ABCA1: variants seen among roughly 807,000 people sequenced by gnomAD.
ABCA1 encodes the protein phospholipid-transporting ATPase ABCA1.
ABCA1 carries 133 observed loss-of-function variants against 262.5 expected under a neutral mutation model. That is an observed-to-expected ratio of 0.51 (90% CI 0.44 to 0.59). The LOEUF (loss-of-function observed/expected upper bound fraction) is 0.59, where lower values mean the gene tolerates loss of function less well. ABCA1 is among the 20% of genes least tolerant of loss of function. ABCA1 has a pLI of 0.00. For synonymous variants in ABCA1, 1,022 were observed against 1,043.5 expected, an observed-to-expected ratio of 0.98 and a Z score of 0.40; for missense variants, 2,452 against 2,777.5, an observed-to-expected ratio of 0.88 and a Z score of 2.63.
intron 5 of ABCA1, among the ~76,000 whole-genome samples, chr9:104,866,965 GA>G (rs1837149846): frequency 6.6e-6 from 1 of 152,206 alleles, no homozygotes; most frequent in East Asian, 1.9e-4. Flanking sequence ...TAAATTGGAT[GA>G]ATGAATGAAT....
chr9:104,889,106 A>G lies in ABCA1; in HGVS notation c.156T>C (p.His52=). The G allele has an allele frequency of 1.9e-6, 3 of 1,613,592 alleles. No homozygotes were observed. Among genetic ancestry groups the G allele is most frequent in the Non-Finnish European group, 2.5e-6 (3 of 1,179,552 alleles). The change falls in exon 3 of 50, where the codon CAT becomes CAC. Residue 52 remains histidine, a synonymous_variant. Transcript: ENST00000374736. ...GCAACATCCACAGTTACTTACATTC[A>G]TGTTGTTCATAGGGTGGGTAGCTCA... ...VRLSYPPYEQ[H]ECHFPNKAMP...
chr9:104,819,585 C>G lies in ABCA1; in HGVS notation c.3241+1G>C. ...ACTCAGAATAAATACACATCAGGCA[C>G]CTTGTCGGTATTTCAGCAGCAGCTC... On this transcript the variant is annotated splice_donor_variant, in intron 22 of 49. Transcript: ENST00000374736. LOFTEE classifies it high-confidence loss of function. 1 of 1,614,194 alleles carries G rather than the reference C, an allele frequency of 6.2e-7. No individual in the cohort carries two copies. Among genetic ancestry groups the G allele is most frequent in the Non-Finnish European group, 8.5e-7 (1 of 1,180,040 alleles).
chr9:104,922,999 G>A (rs1322123696), intron 1 of ABCA1, among the ~76,000 whole-genome samples: 3 of 152,130 alleles, frequency 2.0e-5, no homozygotes, highest in Admixed American at 2.0e-4. Context: ...ATACAACAAT[G>A]AGCCAGTGCA....
Position 104,858,570 on chromosome 9 carries a change from T to C in ABCA1, c.672A>G (p.Ala224=). The C allele has an allele frequency of 6.2e-7, 1 of 1,614,226 alleles. No homozygotes were observed. The highest frequency in any genetic ancestry group is 8.5e-7 in the Non-Finnish European group (1 of 1,180,046). ...LCGLPREKLA[A]AERVLRSNMD... ...TGTTGGAACGAAGTACTCGCTCTGC[T>C]GCAGCCAGTTTCTCCCTTGGTAGGC... The change falls in exon 7 of 50, where the codon GCA becomes GCG. Residue 224 remains alanine, a synonymous_variant. Transcript: ENST00000374736.
Position 104,806,383 on chromosome 9 carries a change from A to G in ABCA1, c.4322T>C (p.Val1441Ala), listed in dbSNP as rs1830766903. ...GAAGAGGTCCATGATGGTCTGGGGAACTGGGGCAGTGGTCCACTCTTCCTC... is the reference window on the plus strand; with the variant it reads ...GAAGAGGTCCATGATGGTCTGGGGAGCTGGGGCAGTGGTCCACTCTTCCTC... ...AGEEEWTTAP[V>A]PQTIMDLFQN... Residue 1441 changes from valine (V) to alanine (A), a missense_variant, in exon 31 of 50, where the codon GTT becomes GCT. Physicochemically the swap from Val to Ala is moderately conservative, Grantham distance 64. Transcript: ENST00000374736. 6.2e-7 allele frequency: 1 copy of G among 1,614,144 alleles called. No homozygotes were observed. Among genetic ancestry groups the G allele is most frequent in the East Asian group, 2.2e-5 (1 of 44,862 alleles).
intron 9 of ABCA1, among the ~76,000 whole-genome samples, chr9:104,839,267 C>T (rs1025490167): frequency 2.6e-5 from 4 of 152,102 alleles, no homozygotes; most frequent in African/African-American, 9.7e-5. Flanking sequence ...AAGGGCAGAT[C>T]AAATGTCTGA....
At chr9:104,866,350 A>G (rs1837084714) in intron 5 of ABCA1, among the ~76,000 whole-genome samples, 1 of 152,086 alleles carries the variant, frequency 6.6e-6, no homozygotes, top group African/African-American at 2.4e-5. Context: ...GAATATTAAG[A>G]AAGCCAGATG....
chr9:104,831,172 T>C, intron 13 of ABCA1, 71 bp from the exon 14 acceptor site: 2 of 1,140,488 alleles, frequency 1.8e-6, no homozygotes, highest in South Asian at 1.4e-5. Flanking sequence ...AAAAAAAAAT[T>C]GCCCAAAACC....
chr9:104,821,571 T>C (rs776300710), intron 19 of ABCA1, 65 bp from the exon 20 acceptor site: 5 of 1,594,034 alleles, frequency 3.1e-6, no homozygotes, highest in Non-Finnish European at 4.3e-6. Context: ...AGATGCTCCA[T>C]TCAGTCTGCA....
At chr9:104,810,044 A>C (rs1831131964) in intron 29 of ABCA1, among the ~76,000 whole-genome samples, 1 of 151,804 alleles carries the variant, frequency 6.6e-6, no homozygotes, top group Non-Finnish European at 1.5e-5. Flanking sequence ...AACTACGGGC[A>C]ATACAGGGTC....
Position 104,812,562 on chromosome 9 carries a change from AG to A in ABCA1, c.4050+11del, listed in dbSNP as rs1831376384. ...TGAAGCCAGAGTCTCTGGCGAAAAC[AG>A]CACGTCTCACCTGAGCAAAAAATCC... is the stretch of plus-strand genomic sequence containing the variant. On this transcript the variant is annotated intron_variant, in intron 28 of 49. Coordinates refer to ENST00000374736, the MANE Select transcript of ABCA1 (RefSeq NM_005502.4). 6.2e-7 allele frequency: 1 copy of A among 1,614,076 alleles called. No homozygotes were observed. Among genetic ancestry groups the A allele is most frequent in the Non-Finnish European group, 8.5e-7 (1 of 1,180,032 alleles).
In ABCA1 at chr9:104,810,913, T is replaced by C. The variant is rs1564111884; in HGVS notation, c.4062A>G (p.Pro1354=). ...RKGFFAQIVL[P]AVFVCIALVF... ...CAAGGGCAATGCAGACAAACACAGC[T>C]GGCAAGACAATCTTTACCCAGGCAG... Residue 1354 remains proline, a synonymous_variant, in exon 29 of 50, where the codon CCA becomes CCG. Transcript: ENST00000374736. 1.9e-6 allele frequency: 3 copies of C among 1,614,046 alleles called. No homozygotes were observed. Among genetic ancestry groups the C allele is most frequent in the East Asian group, 2.2e-5 (1 of 44,880 alleles).
chr9:104,807,451 C>T (rs1263492115), intron 30 of ABCA1, among the ~76,000 whole-genome samples: 2 of 152,160 alleles, frequency 1.3e-5, no homozygotes, highest in African/African-American at 4.8e-5. Flanking sequence ...AAGTCATTTC[C>T]AGTTCCCTTC....
At chr9:104,808,958 TC>T (rs1831032700) in intron 30 of ABCA1, among the ~76,000 whole-genome samples, 1 of 152,218 alleles carries the variant, frequency 6.6e-6, no homozygotes, top group African/African-American at 2.4e-5. Context: ...AATTTATTTA[TC>T]CACTGCTTAC....
In ABCA1 at chr9:104,832,708, T is replaced by C. The variant is rs1284568085; in HGVS notation, c.1375A>G (p.Thr459Ala). ...WEQQLDGLDW[T>A]AQDIVAFLAK... ...AAAAACGCCACGATGTCTTGGGCTG[T>C]CCAATCTAAGCCATCCAACTGCTGT... Residue 459 changes from threonine to alanine, a missense_variant, in exon 12 of 50, where the codon ACA (threonine) becomes GCA (alanine). Transcript: ENST00000374736. 6.2e-7 allele frequency: 1 copy of C among 1,614,180 alleles called. No individual in the cohort carries two copies. The highest frequency in any genetic ancestry group is 2.2e-5 in the East Asian group (1 of 44,890).
chr9:104,805,196 T>C (rs967076806), intron 31 of ABCA1, among the ~76,000 whole-genome samples: 1 of 152,180 alleles, frequency 6.6e-6, no homozygotes, highest in African/African-American at 2.4e-5. Context: ...TGCTTCAGCC[T>C]CCCAAGTAAC....
In ABCA1 at chr9:104,832,678, T is replaced by C. The variant is rs1189656765; in HGVS notation, c.1405A>G (p.Lys469Glu). The C allele has an allele frequency of 6.2e-7, 1 of 1,614,082 alleles. No homozygotes were observed. Among genetic ancestry groups the C allele is most frequent in the Non-Finnish European group, 8.5e-7 (1 of 1,180,052 alleles). Residue 469 changes from lysine (K) to glutamate (E), a missense_variant, in exon 12 of 50, where the codon AAG becomes GAG. Physicochemically the swap from Lys to Glu is moderately conservative, Grantham distance 56. Coordinates refer to ENST00000374736, the MANE Select transcript of ABCA1 (RefSeq NM_005502.4). Reference sequence around the variant, plus strand: ...CTGGACTGGACATCCTCTGGGTGCTTGGCCAAAAACGCCACGATGTCTTGG... The same window carrying C: ...CTGGACTGGACATCCTCTGGGTGCTCGGCCAAAAACGCCACGATGTCTTGG... The part of the protein sequence containing the change: ...TAQDIVAFLA[K>E]HPEDVQSSNG...
intron 5 of ABCA1, among the ~76,000 whole-genome samples, chr9:104,878,409 C>T (rs549839498): frequency 1.1e-4 from 17 of 152,190 alleles, no homozygotes; most frequent in Non-Finnish European, 2.4e-4. Context: ...TTGTCCACGG[C>T]TTAATTCCTG....
In ABCA1 at chr9:104,794,262, G is replaced by C; in HGVS notation, c.5506+125C>G. On this transcript the variant is annotated intron_variant, in intron 40 of 49. Coordinates refer to ENST00000374736, the MANE Select transcript of ABCA1 (RefSeq NM_005502.4). ...GTGTTGGCATGAGCCCTGTCACTGG[G>C]CATGGGGGTGGGGGAACATCCTGTG... The C allele has an allele frequency of 2.8e-6, 4 of 1,443,650 alleles. No individual in the cohort carries two copies. In the Admixed American group the frequency reaches 6.7e-5, roughly 24 times the overall value. 89.4% of individuals were successfully genotyped at this position (1,443,650 alleles called of 1,614,324 possible). A position where few individuals can be genotyped will look rare whatever the true frequency, so the allele number is the denominator to read the frequency against.
Sources: allele counts gnomAD v4.1 joint callset (sites outside exome capture counted in the v4.1 genomes callset), GRCh38; gene constraint gnomAD v4.1.1; transcripts MANE v1.5; gene names NCBI Gene and HGNC (gene_info 2026-07-23, HGNC 2026-07-21).